TRIM24: variants seen among roughly 807,000 people sequenced by gnomAD.
TRIM24 encodes tripartite motif containing 24.
A neutral mutation model predicts 123.9 loss-of-function variants in TRIM24; 29 were observed. The ratio of observed to expected loss-of-function variants is 0.23; its 90% CI spans 0.17 to 0.32. The LOEUF (loss-of-function observed/expected upper bound fraction) is 0.32, where lower values mean the gene tolerates loss of function less well. TRIM24 is among the 10% of genes least tolerant of loss of function. The pLI is 1.00. For synonymous variants in TRIM24, 456 were observed against 461.1 expected (o/e 0.99, Z 0.14); for missense variants, 932 against 1,295.3 (o/e 0.72, Z 4.31).
chr7:138,496,002 A>T (rs1359502327), intron 1 of TRIM24, among the ~76,000 whole-genome samples: 1 of 152,196 alleles, frequency 6.6e-6, no homozygotes, highest in Non-Finnish European at 1.5e-5. Flanking sequence ...CTGTAGCTCT[A>T]TCCATAGTAA....
intron 9 of TRIM24, among the ~76,000 whole-genome samples, chr7:138,561,947 C>G (rs1474396075): frequency 1.3e-5 from 2 of 152,142 alleles, no homozygotes; most frequent in South Asian, 2.1e-4. Flanking sequence ...TAGGAATTCT[C>G]TTATTTGTCG....
At position 138,573,508 on chromosome 7, in the gene TRIM24, T is replaced by TTGAC; in HGVS notation, c.1883_1886dup (p.Cys629Ter). The TTGAC allele has an allele frequency of 6.4e-7, 1 of 1,565,452 alleles. No individual in the cohort carries two copies. Among genetic ancestry groups the TTGAC allele is most frequent in the Non-Finnish European group, 8.6e-7 (1 of 1,158,818 alleles). On this transcript the variant is annotated frameshift_variant and splice_region_variant, in exon 12 of 19. Transcript: ENST00000343526. LOFTEE classifies it high-confidence loss of function. The stretch of plus-strand genomic sequence containing the variant: ...TGAAATAATTTCTTTTCTTGTAAGA[T>TTGAC]TGACTGTTCAAGTACTATTATGCTG...
chr7:138,469,331 A>AT (rs1051563303), intron 1 of TRIM24, among the ~76,000 whole-genome samples: 1,431 of 137,210 alleles, frequency 0.01, 15 homozygotes, highest in African/African-American at 0.023. Flanking sequence ...CCCTTTCTCA[A>AT]TTTTTTTTTT....
chr7:138,540,806 G>A (rs1043663719), intron 7 of TRIM24, among the ~76,000 whole-genome samples: 1 of 152,134 alleles, frequency 6.6e-6, no homozygotes, highest in Non-Finnish European at 1.5e-5. Flanking sequence ...GAATCACTGT[G>A]TATGGTGGCT....
Position 138,585,827 on chromosome 7 carries a change from C to T in TRIM24, c.*876C>T, listed in dbSNP as rs772460890. ...AGTGGAACTACCCAAAATATAAATA[C>T]AGCAGCGTGCACTGTATTTGATGTG... is the stretch of plus-strand genomic sequence containing the variant. On this transcript the variant is annotated 3_prime_UTR_variant, in exon 19 of 19. Transcript: ENST00000343526. The T allele has an allele frequency of 1.9e-6, 1 of 519,414 alleles. No individual in the cohort carries two copies. Among genetic ancestry groups the T allele is most frequent in the African/African-American group, 1.9e-5 (1 of 51,952 alleles). The allele number at this position is 519,414 out of a possible 1,614,324, so 32.2% of individuals were successfully genotyped here. A position where few individuals can be genotyped will look rare whatever the true frequency, so the allele number is the denominator to read the frequency against.
chr7:138,575,937 C>G (rs1176923201), intron 12 of TRIM24, among the ~76,000 whole-genome samples: 1 of 152,186 alleles, frequency 6.6e-6, no homozygotes, highest in Non-Finnish European at 1.5e-5. Context: ...CCCGTACCAC[C>G]TTTCGTTGTC....
rs1292083180 is a variant in TRIM24, at chr7:138,460,727, A to C, written c.179A>C (p.His60Pro). ...LNLLDTCAVC[H>P]QNIQSRAPKL... Reference sequence around the variant, plus strand: ...CTGTTGGACACTTGCGCCGTGTGCCACCAGAACATCCAGAGCCGGGCGCCC... The same window carrying C: ...CTGTTGGACACTTGCGCCGTGTGCCCCCAGAACATCCAGAGCCGGGCGCCC... The change falls in exon 1 of 19, where the codon CAC becomes CCC. Residue 60 changes from histidine (H) to proline (P), a missense_variant. Physicochemically the swap from His to Pro is moderately conservative, Grantham distance 77. Transcript: ENST00000343526. 6.4e-7 allele frequency: 1 copy of C among 1,573,698 alleles called. No homozygotes were observed. Among genetic ancestry groups the C allele is most frequent in the Admixed American group, 1.8e-5 (1 of 55,416 alleles).
At chr7:138,479,949 G>T (rs888655972) in intron 1 of TRIM24, among the ~76,000 whole-genome samples, 1 of 151,912 alleles carries the variant, frequency 6.6e-6, no homozygotes, top group African/African-American at 2.4e-5. Context: ...CTTCCAAGCA[G>T]CTGGGATTAC....
At chr7:138,519,143 T>A in intron 3 of TRIM24, 46 bp from the exon 4 acceptor site, 1 of 1,609,810 alleles carries the variant, frequency 6.2e-7, no homozygotes, top group South Asian at 1.1e-5. Context: ...TATTTACTAT[T>A]CAATTATGTT....
intron 14 of TRIM24, among the ~76,000 whole-genome samples, chr7:138,578,532 TTGTGTGTGTG>T (rs142839380): frequency 1.5e-3 from 222 of 146,892 alleles, no homozygotes; most frequent in African/African-American, 4.7e-3. Context: ...GGTGGTGGTT[TTGTGTGTGTG>T]TGTGTGTGTG....
chr7:138,551,006 C>G, intron 7 of TRIM24, 57 bp from the exon 8 acceptor site: 13 of 1,401,116 alleles, frequency 9.3e-6, no homozygotes, highest in Non-Finnish European at 1.3e-5. Context: ...TGTATATTTA[C>G]TGGGCGCTTA....
chr7:138,492,113 G>A (rs1410856863), intron 1 of TRIM24, among the ~76,000 whole-genome samples: 1 of 151,272 alleles, frequency 6.6e-6, no homozygotes, highest in African/African-American at 2.4e-5. Flanking sequence ...AACAATGTAA[G>A]TAAAAAAATT....
At chr7:138,461,325 C>T in intron 1 of TRIM24, 1 of 478,596 alleles carries the variant, frequency 2.1e-6, no homozygotes, top group South Asian at 1.5e-5. Context: ...CTGATCATCT[C>T]GTCTATACTC....
At chr7:138,463,203 T>C (rs1795051810) in intron 1 of TRIM24, among the ~76,000 whole-genome samples, 1 of 151,748 alleles carries the variant, frequency 6.6e-6, no homozygotes, top group African/African-American at 2.4e-5. Context: ...TCTTATTTCT[T>C]AGACACAGTT....
intron 15 of TRIM24, among the ~76,000 whole-genome samples, chr7:138,579,921 C>T (rs1290532971): frequency 6.6e-6 from 1 of 151,990 alleles, no homozygotes; most frequent in Non-Finnish European, 1.5e-5. Context: ...AGACCCTCTC[C>T]CTAGTCATTA....
At chr7:138,471,701 T>A (rs1371161304) in intron 1 of TRIM24, among the ~76,000 whole-genome samples, 1 of 151,932 alleles carries the variant, frequency 6.6e-6, no homozygotes, top group Non-Finnish European at 1.5e-5. Flanking sequence ...CCACCACAGT[T>A]GGCTAATTTT....
At chr7:138,528,187 C>T (rs1049843113) in intron 5 of TRIM24, among the ~76,000 whole-genome samples, 4 of 152,154 alleles carry the variant, frequency 2.6e-5, no homozygotes, top group Middle Eastern at 3.2e-3. Context: ...AATCCAGGCC[C>T]GCCCAGGCAT....
At chr7:138,490,719 A>G (rs971914747) in intron 1 of TRIM24, 4 of 473,554 alleles carry the variant, frequency 8.4e-6, no homozygotes, top group East Asian at 5.7e-5. Flanking sequence ...CTTCTTCAGC[A>G]TTTTTACTTT....
chr7:138,480,019 A>C (rs1795493371), intron 1 of TRIM24, among the ~76,000 whole-genome samples: 7 of 151,862 alleles, frequency 4.6e-5, no homozygotes, highest in Admixed American at 4.6e-4. Context: ...GGGTTTCGCC[A>C]TGTTGGCCAG....
Sources: gnomAD v4.1 joint callset for allele counts (sites outside exome capture counted in the v4.1 genomes callset) on GRCh38, gnomAD v4.1.1 for gene constraint, MANE v1.5 for transcripts, NCBI Gene and HGNC (gene_info 2026-07-23, HGNC 2026-07-21) for gene names.